The following TMEM132D variants were observed in gnomAD, a reference collection of about 807,000 sequenced individuals.
The protein encoded by TMEM132D is mature OL transmembrane protein.
A neutral mutation model predicts 62.3 loss-of-function variants in TMEM132D; 21 were observed. That is an observed-to-expected ratio of 0.34 (90% CI 0.24 to 0.49). The LOEUF is 0.49. Among genes scored for constraint, TMEM132D ranks in the 20% least tolerant of loss-of-function variants. TMEM132D has a pLI of 0.99. For synonymous variants in TMEM132D, 621 were observed against 575.6 expected, an observed-to-expected ratio of 1.08 and a Z score of -1.13; for missense variants, 1,346 against 1,402.8, an observed-to-expected ratio of 0.96 and a Z score of 0.65.
chr12:129,768,813 TCTG>T (rs974773116), intron 1 of TMEM132D, among the ~76,000 whole-genome samples: 3 of 152,238 alleles, frequency 2.0e-5, no homozygotes, highest in African/African-American at 7.2e-5. Flanking sequence ...AATTGGGCTT[TCTG>T]CTATTTTTAG....
intron 4 of TMEM132D, among the ~76,000 whole-genome samples, chr12:129,223,582 G>A (rs1470959862): frequency 6.6e-6 from 1 of 152,132 alleles, no homozygotes; most frequent in Non-Finnish European, 1.5e-5. Context: ...TAATATAAAT[G>A]GCTGTTGTTG....
At chr12:129,454,026 G>C (rs1873384050) in intron 3 of TMEM132D, among the ~76,000 whole-genome samples, 1 of 152,182 alleles carries the variant, frequency 6.6e-6, no homozygotes, top group African/African-American at 2.4e-5. Flanking sequence ...AGCAACTACA[G>C]CAATGTTCAT....
chr12:129,244,794 C>A (rs10847810), intron 4 of TMEM132D, among the ~76,000 whole-genome samples: 61,263 of 151,870 alleles, frequency 0.4, 13,593 homozygotes, highest in Middle Eastern at 0.52. Flanking sequence ...GTGTGGGCCA[C>A]CACACCTGAC....
chr12:129,387,689 C>T (rs553117832), intron 3 of TMEM132D, among the ~76,000 whole-genome samples: 1 of 152,278 alleles, frequency 6.6e-6, no homozygotes, highest in African/African-American at 2.4e-5. Context: ...AATACTAACA[C>T]CAACACCAAT....
At chr12:129,323,041 T>C (rs1331334493) in intron 4 of TMEM132D, among the ~76,000 whole-genome samples, 1 of 152,240 alleles carries the variant, frequency 6.6e-6, no homozygotes, top group Admixed American at 6.5e-5. Flanking sequence ...GCAGTTTAAG[T>C]ATTTCCTTCC....
Position 129,655,246 on chromosome 12 carries a change from CTT to C in TMEM132D, c.968+44562_968+44563del, listed in dbSNP as rs5801873. Reference sequence around the variant, plus strand: ...ACAGGCGTGAGCCACTGTGTCTAGCCTTTTTTTTTTTTTCTTTTGAGAATGAG... The same window carrying C: ...ACAGGCGTGAGCCACTGTGTCTAGCCTTTTTTTTTTTCTTTTGAGAATGAG... On this transcript the variant is annotated intron_variant, in intron 2 of 8. Coordinates refer to ENST00000422113, the MANE Select transcript of TMEM132D (RefSeq NM_133448.3). Among the ~76,000 whole-genome samples the C allele has an allele frequency of 1.9e-4, 26 of 139,412 alleles. 1 individual carries two copies. In the South Asian group the frequency reaches 5.4e-3, roughly 29 times the overall value. The allele number at this position is 139,412 out of a possible 152,430, so 91.5% of individuals were successfully genotyped here. A position where few individuals can be genotyped will look rare whatever the true frequency, so the allele number is the denominator to read the frequency against.
chr12:129,282,782 G>T (rs1881191523), intron 4 of TMEM132D, among the ~76,000 whole-genome samples: 1 of 152,164 alleles, frequency 6.6e-6, no homozygotes, highest in South Asian at 2.1e-4. Flanking sequence ...GCGTGCTTCA[G>T]ATCATGATAA....
intron 2 of TMEM132D, among the ~76,000 whole-genome samples, chr12:129,658,979 C>T (rs190757810): frequency 6.6e-6 from 1 of 152,292 alleles, no homozygotes; most frequent in East Asian, 1.9e-4. Flanking sequence ...TGGCTCACTG[C>T]AACCTCCAAC....
At chr12:129,414,637 C>A (rs764406099) in intron 3 of TMEM132D, among the ~76,000 whole-genome samples, 2 of 152,180 alleles carry the variant, frequency 1.3e-5, no homozygotes, top group Non-Finnish European at 2.9e-5. Context: ...ACCTAGTTAC[C>A]ATTTTTCTTT....
chr12:129,426,952 T>A (rs1214526103), intron 3 of TMEM132D, among the ~76,000 whole-genome samples: 6 of 152,194 alleles, frequency 3.9e-5, no homozygotes, highest in Non-Finnish European at 8.8e-5. Context: ...GATACACAGC[T>A]AGAGAGCTAT....
In TMEM132D at chr12:129,873,272, C is replaced by T. The variant is rs115480778; in HGVS notation, c.79+29989G>A. Among the ~76,000 whole-genome samples the T allele has an allele frequency of 3.9e-3, 590 of 152,136 alleles. 3 individuals carry two copies. Among genetic ancestry groups the T allele is most frequent in the African/African-American group, 0.013 (523 of 41,494 alleles). On this transcript the variant is annotated intron_variant, in intron 1 of 8. Coordinates refer to ENST00000422113, the MANE Select transcript of TMEM132D (RefSeq NM_133448.3). ...AAGATCTGATAGAAGAGGGGGCCTC[C>T]GAACAGATGCATTATTCTGATTGTG...
At chr12:129,870,482 C>A (rs926272545) in intron 1 of TMEM132D, among the ~76,000 whole-genome samples, 7 of 152,216 alleles carry the variant, frequency 4.6e-5, no homozygotes, top group African/African-American at 1.7e-4. Context: ...CTCAGCAGAG[C>A]TTCCTGGTGG....
intron 2 of TMEM132D, among the ~76,000 whole-genome samples, chr12:129,532,478 G>A (rs1876257929): frequency 6.6e-6 from 1 of 152,214 alleles, no homozygotes; most frequent in Admixed American, 6.5e-5. Context: ...AGAAAAAGCA[G>A]GACACGTCTG....
chr12:129,770,964 T>C (rs1870730573), intron 1 of TMEM132D, among the ~76,000 whole-genome samples: 1 of 152,214 alleles, frequency 6.6e-6, no homozygotes, highest in Admixed American at 6.5e-5. Context: ...TAAATACTCG[T>C]ATCTCACTGA....
intron 3 of TMEM132D, among the ~76,000 whole-genome samples, chr12:129,417,328 G>T (rs1437974886): frequency 6.6e-6 from 1 of 152,094 alleles, no homozygotes; most frequent in Non-Finnish European, 1.5e-5. Context: ...ACCAAAACAG[G>T]ATGATACTGG....
intron 4 of TMEM132D, among the ~76,000 whole-genome samples, chr12:129,332,688 T>C (rs1302266561): frequency 6.6e-6 from 1 of 152,200 alleles, no homozygotes; most frequent in Non-Finnish European, 1.5e-5. Context: ...CAAAAGATAA[T>C]GGATTTGACT....
intron 3 of TMEM132D, among the ~76,000 whole-genome samples, chr12:129,499,533 C>T (rs886366470): frequency 6.6e-6 from 1 of 152,194 alleles, no homozygotes; most frequent in Non-Finnish European, 1.5e-5. Context: ...AGAATTTTGA[C>T]ACCCTTTCCC....
intron 2 of TMEM132D, among the ~76,000 whole-genome samples, chr12:129,593,244 TTTGG>T (rs1878243877): frequency 6.6e-6 from 1 of 152,326 alleles, no homozygotes; most frequent in Admixed American, 6.5e-5. Flanking sequence ...TTTTTGTTTG[TTTGG>T]TTGGTTTTCT....
intron 4 of TMEM132D, among the ~76,000 whole-genome samples, chr12:129,297,084 G>A (rs187153553): frequency 7.9e-5 from 12 of 152,274 alleles, no homozygotes; most frequent in Admixed American, 2.6e-4. Context: ...GTCTACAGGA[G>A]AGCCCTAGGG....
Sources: allele counts gnomAD v4.1 joint callset (sites outside exome capture counted in the v4.1 genomes callset), GRCh38; gene constraint gnomAD v4.1.1; transcripts MANE v1.5; gene names NCBI Gene and HGNC (gene_info 2026-07-23, HGNC 2026-07-21).